PCDHA4: variants seen among roughly 807,000 people sequenced by gnomAD.
The protein encoded by PCDHA4 is protocadherin alpha-4.
A neutral mutation model predicts 61.4 loss-of-function variants in PCDHA4; 49 were observed. The observed-to-expected ratio is 0.80, with a 90% confidence interval of 0.63 to 1.01. The LOEUF is 1.01. Among genes scored for constraint, PCDHA4 ranks in the 50% least tolerant of loss-of-function variants. The pLI, the probability that PCDHA4 is intolerant of heterozygous loss-of-function variation, is 0.00. For synonymous variants in PCDHA4, 590 were observed against 550.3 expected, an observed-to-expected ratio of 1.07 and a Z score of -1.01; for missense variants, 1,254 against 1,235.8, an observed-to-expected ratio of 1.01 and a Z score of -0.22.
intron 1 of PCDHA4, among the ~76,000 whole-genome samples, chr5:140,948,267 A>G (rs964252489): frequency 1.3e-5 from 2 of 151,646 alleles, no homozygotes. Flanking sequence ...GTGTTCATGT[A>G]GAATATCTGT....
chr5:140,996,557 T>C (rs1200836194), intron 3 of PCDHA4, among the ~76,000 whole-genome samples: 3 of 152,226 alleles, frequency 2.0e-5, no homozygotes, highest in Admixed American at 6.5e-5. Context: ...GTCACTATCT[T>C]GAAGTTCTTG....
At chr5:140,984,588 T>C (rs1338170509) in intron 3 of PCDHA4, among the ~76,000 whole-genome samples, 1 of 152,170 alleles carries the variant, frequency 6.6e-6, no homozygotes, top group Non-Finnish European at 1.5e-5. Flanking sequence ...AATCATACTT[T>C]TCAATACATA....
chr5:140,842,420 A>G, intron 1 of PCDHA4: 2 of 1,613,364 alleles, frequency 1.2e-6, no homozygotes, highest in Non-Finnish European at 1.7e-6. Context: ...TCAATTTGGT[A>G]CTGTCATCGC....
chr5:140,884,606 C>T (rs1554181776), intron 1 of PCDHA4: 1 of 1,614,038 alleles, frequency 6.2e-7, no homozygotes, highest in African/African-American at 1.3e-5. Flanking sequence ...TCCTCCTTGT[C>T]TGGGTTCTGC....
At chr5:140,823,208 C>A (rs1767602196) in intron 1 of PCDHA4, 1 of 1,613,840 alleles carries the variant, frequency 6.2e-7, no homozygotes, top group Non-Finnish European at 8.5e-7. Flanking sequence ...ACGGTGTCTG[C>A]ACGGGACGCG....
chr5:140,829,866 C>T (rs180987045), intron 1 of PCDHA4: 8 of 1,613,772 alleles, frequency 5.0e-6, no homozygotes, highest in African/African-American at 2.7e-5. Flanking sequence ...CAAGTGGTGG[C>T]GAAGGTGCGC....
chr5:140,967,539 A>G (rs1554229656), intron 1 of PCDHA4: 2 of 1,613,730 alleles, frequency 1.2e-6, no homozygotes, highest in African/African-American at 1.3e-5. Flanking sequence ...CCTGCCTTTG[A>G]CCAGTCCACT....
chr5:140,877,874 C>A, intron 1 of PCDHA4: 1 of 1,477,456 alleles, frequency 6.8e-7, no homozygotes, highest in Non-Finnish European at 9.0e-7. Flanking sequence ...ATATTTGTTT[C>A]CTTGAAGAAC....
In PCDHA4 at chr5:140,828,948, C is replaced by A. The variant is rs2150161275; in HGVS notation, c.2385+19376C>A. 4.6e-5 allele frequency: 74 copies of A among 1,614,030 alleles called. No individual in the cohort carries two copies. The highest frequency in any genetic ancestry group is 1.5e-4 in the Admixed American group (9 of 59,998). On this transcript the variant is annotated intron_variant, in intron 1 of 3. Coordinates refer to ENST00000530339, the MANE Select transcript of PCDHA4 (RefSeq NM_018907.4). ...TCATATTCTTTTAATAGCCTTGTTG[C>A]AGCCATGGTTATTGACCACTTTAGC...
intron 1 of PCDHA4, chr5:140,858,309 A>G (rs1276572732): frequency 7.5e-6 from 12 of 1,597,070 alleles, no homozygotes; most frequent in African/African-American, 1.3e-5. Context: ...CAGAGGCGGC[A>G]GAGGGTGTGT....
rs1490925820 is a variant in PCDHA4, at chr5:140,842,691, A to G, written c.2385+33119A>G. On this transcript the variant is annotated intron_variant, in intron 1 of 3. Coordinates refer to ENST00000530339, the MANE Select transcript of PCDHA4 (RefSeq NM_018907.4). The stretch of plus-strand genomic sequence containing the variant: ...AACGACAATGCTCCGGCGTTCGCGC[A>G]GCCCGAGTACACGGTGTTCGTGAAG... The G allele has an allele frequency of 1.9e-6, 3 of 1,595,232 alleles. 1 individual carries two copies. Among genetic ancestry groups the G allele is most frequent in the Non-Finnish European group, 2.6e-6 (3 of 1,165,546 alleles).
chr5:140,877,609 C>T (rs1554169925), intron 1 of PCDHA4: 4 of 1,613,876 alleles, frequency 2.5e-6, no homozygotes, highest in Middle Eastern at 1.7e-4. Flanking sequence ...CCTGCTGGTG[C>T]TCACGCTGCT....
intron 1 of PCDHA4, among the ~76,000 whole-genome samples, chr5:140,945,947 A>C (rs2093865061): frequency 6.6e-6 from 1 of 152,132 alleles, no homozygotes; most frequent in Non-Finnish European, 1.5e-5. Flanking sequence ...TTTTTATATG[A>C]CCCTGAAAGC....
intron 3 of PCDHA4, among the ~76,000 whole-genome samples, chr5:140,996,093 A>G (rs2097711389): frequency 6.6e-6 from 1 of 152,210 alleles, no homozygotes; most frequent in South Asian, 2.1e-4. Flanking sequence ...GCTAGATTAC[A>G]TGGAATGGTA....
At chr5:140,820,722 A>G (rs2150107758) in intron 1 of PCDHA4, among the ~76,000 whole-genome samples, 15 of 152,090 alleles carry the variant, frequency 9.9e-5, no homozygotes, top group Non-Finnish European at 1.9e-4. Flanking sequence ...ATTTACTGGA[A>G]CCTAAACATT....
intron 3 of PCDHA4, among the ~76,000 whole-genome samples, chr5:140,997,321 T>C (rs964967011): frequency 1.3e-5 from 2 of 152,174 alleles, no homozygotes; most frequent in Non-Finnish European, 2.9e-5. Flanking sequence ...CTTTAGGCAG[T>C]TTTTTCGTTG....
At chr5:140,877,851 A>G in intron 1 of PCDHA4, 1 of 1,546,284 alleles carries the variant, frequency 6.5e-7, no homozygotes, top group South Asian at 1.3e-5. Context: ...TAAGTTATTA[A>G]TATTATTTAG....
chr5:140,921,345 A>C (rs1411062408), intron 1 of PCDHA4, among the ~76,000 whole-genome samples: 1 of 152,120 alleles, frequency 6.6e-6, no homozygotes, highest in African/African-American at 2.4e-5. Context: ...CACATAATAT[A>C]TTTGCCTATA....
At chr5:140,941,253 T>TTCTTTCTTTCTC (rs1563187863) in intron 1 of PCDHA4, among the ~76,000 whole-genome samples, 4 of 64,962 alleles carry the variant, frequency 6.2e-5, no homozygotes, top group Non-Finnish European at 1.0e-4. Flanking sequence ...CTTTCTTTCT[T>TTCTTTCTTTCTC]TCTCTTTCTT....
Sources: allele counts gnomAD v4.1 joint callset (sites outside exome capture counted in the v4.1 genomes callset), GRCh38; gene constraint gnomAD v4.1.1; transcripts MANE v1.5; gene names NCBI Gene and HGNC (gene_info 2026-07-23, HGNC 2026-07-21).